The following PLB1 variants were observed in gnomAD, a reference collection of about 807,000 sequenced individuals.
PLB1 encodes phospholipase B1, membrane-associated.
In PLB1, 242 loss-of-function variants were observed where a neutral mutation model predicts 227.4. The observed-to-expected ratio is 1.06, with a 90% CI of 0.96 to 1.18. PLB1 has a LOEUF of 1.18. Among genes scored for constraint, PLB1 ranks in the 50% most tolerant of loss-of-function variants. The probability of loss-of-function intolerance (pLI) is 0.00; values close to 1 mark genes in which losing one functional copy is unlikely to be tolerated. For synonymous variants in PLB1, 757 were observed against 682.2 expected (o/e 1.11, Z -1.71); for missense variants, 1,858 against 1,816.3 (o/e 1.02, Z -0.42).
chr2:28,598,612 T>C (rs746465148), intron 34 of PLB1, 40 bp from the exon 35 acceptor site: 2 of 1,521,770 alleles, frequency 1.3e-6, no homozygotes, highest in Non-Finnish European at 1.8e-6. Flanking sequence ...TCTGGCTTTC[T>C]GTTCTGAGCC....
At chr2:28,586,302 A>G (rs1352065990) in intron 26 of PLB1, among the ~76,000 whole-genome samples, 1 of 152,190 alleles carries the variant, frequency 6.6e-6, no homozygotes. Flanking sequence ...CACAGGGTGC[A>G]TTCCCTCTGC....
At chr2:28,544,642 T>C (rs1008187331) in intron 14 of PLB1, among the ~76,000 whole-genome samples, 4 of 151,960 alleles carry the variant, frequency 2.6e-5, no homozygotes, top group Non-Finnish European at 5.9e-5. Flanking sequence ...GCCAGCAGTG[T>C]TGTGCTGGGC....
At chr2:28,546,275 A>G (rs999649198) in intron 14 of PLB1, among the ~76,000 whole-genome samples, 1 of 152,026 alleles carries the variant, frequency 6.6e-6, no homozygotes, top group Non-Finnish European at 1.5e-5. Context: ...AAGGGGACCC[A>G]CCTTTAGGGA....
intron 14 of PLB1, among the ~76,000 whole-genome samples, chr2:28,545,619 C>G (rs2148214710): frequency 6.6e-6 from 1 of 152,318 alleles, no homozygotes; most frequent in African/African-American, 2.4e-5. Flanking sequence ...CACCCTTAGC[C>G]AGCACCCAAG....
chr2:28,598,690 GC>G lies in PLB1; in HGVS notation c.2406del (p.Val803TrpfsTer26). On this transcript the variant is annotated frameshift_variant, in exon 35 of 58. Transcript: ENST00000327757. LOFTEE classifies it high-confidence loss of function. ...REFNRNLTGYAVGTGDANDTN... is the reference protein window; with the variant it reads ...REFNRNLTGYXVGTGDANDTN... Reference sequence around the variant, plus strand: ...GTTTAACAGAAACCTCACAGGCTACGCCGTGGGCACGGGTGATGCCAATGAC... The same window carrying G: ...GTTTAACAGAAACCTCACAGGCTACGCGTGGGCACGGGTGATGCCAATGAC... The G allele has an allele frequency of 6.2e-7, 1 of 1,614,218 alleles. No homozygotes were observed. The highest frequency in any genetic ancestry group is 8.5e-7 in the Non-Finnish European group (1 of 1,180,018).
chr2:28,503,533 C>T (rs528520901), intron 1 of PLB1, among the ~76,000 whole-genome samples: 1 of 152,340 alleles, frequency 6.6e-6, no homozygotes, highest in East Asian at 1.9e-4. Context: ...GTAGCAACCA[C>T]TTCATTTACT....
At chr2:28,583,039 G>A (rs116095482) in intron 25 of PLB1, among the ~76,000 whole-genome samples, 245 of 152,260 alleles carry the variant, frequency 1.6e-3, no homozygotes, top group African/African-American at 5.8e-3. Context: ...CCTCCCCAGA[G>A]AGTAGAGAAC....
At chr2:28,526,220 G>A (rs565933986) in intron 6 of PLB1, among the ~76,000 whole-genome samples, 11 of 152,212 alleles carry the variant, frequency 7.2e-5, no homozygotes, top group Non-Finnish European at 1.5e-5. Context: ...AGGGCTTAGG[G>A]GCCAGCTGGA....
At chr2:28,601,417 A>G in intron 37 of PLB1, 85 bp downstream of exon 37, 1 of 1,117,224 alleles carries the variant, frequency 9.0e-7, no homozygotes, top group Non-Finnish European at 1.3e-6. Flanking sequence ...ACAGTTCCTA[A>G]AACCAATCCT....
At chr2:28,642,785 C>A in intron 57 of PLB1, 73 bp from the exon 58 acceptor site, 1 of 1,308,104 alleles carries the variant, frequency 7.6e-7, no homozygotes, top group Non-Finnish European at 1.1e-6. Context: ...GGAATGGGGA[C>A]TAGGCAAGTC....
intron 16 of PLB1, 28 bp downstream of exon 16, chr2:28,550,112 A>T (rs1299813550): frequency 2.6e-6 from 4 of 1,550,542 alleles, no homozygotes; most frequent in African/African-American, 1.4e-5. Context: ...GTAATTGACA[A>T]ACATGCAGAT....
In PLB1 at chr2:28,642,863, C is replaced by A; in HGVS notation, c.4179C>A (p.Ser1393Arg). The change falls in exon 58 of 58, where the codon AGC becomes AGA. Residue 1393 changes from serine (S) to arginine (R), a missense_variant. By Grantham distance (110) the Ser-to-Arg change is moderately radical (BLOSUM62 -1). Coordinates refer to ENST00000327757, the MANE Select transcript of PLB1 (RefSeq NM_153021.5). ...RAKLKCPSPESPYLYTLRNSR... is the reference protein window; with the variant it reads ...RAKLKCPSPERPYLYTLRNSR... The stretch of plus-strand genomic sequence containing the variant: ...CCCCCGCTCCTCCTCCACAGGAGAG[C>A]CCTTACCTCTACACCCTGCGGAACA... 1 of 1,596,888 alleles carries A rather than the reference C, an allele frequency of 6.3e-7. No homozygotes were observed. The highest frequency in any genetic ancestry group is 2.3e-5 in the East Asian group (1 of 44,354).
intron 19 of PLB1, 139 bp from the exon 20 acceptor site, chr2:28,566,657 A>G (rs911538139): frequency 2.2e-6 from 2 of 892,444 alleles, no homozygotes; most frequent in Non-Finnish European, 3.7e-6. Context: ...CCGTTTTTCT[A>G]CTGAAGTGAT....
intron 23 of PLB1, 30 bp downstream of exon 23, chr2:28,579,737 C>T: frequency 6.3e-7 from 1 of 1,575,278 alleles, no homozygotes; most frequent in Non-Finnish European, 8.7e-7. Flanking sequence ...ACTCAAGACT[C>T]ACCCCCAGAG....
chr2:28,635,948 C>G lies in PLB1; in HGVS notation c.4098+2909C>G, dbSNP rs1322093568. Among the ~76,000 whole-genome samples, 7 of 152,282 alleles carry G rather than the reference C, an allele frequency of 4.6e-5. 1 individual carries two copies. In the South Asian group the frequency reaches 1.5e-3, roughly 32 times the overall value. The stretch of plus-strand genomic sequence containing the variant: ...TTAGAGCTCTTAGAATCGTGACTCT[C>G]AGCTCTGGCTGCATATTAGAATCAT... On this transcript the variant is annotated intron_variant, in intron 56 of 57. Transcript: ENST00000327757.
At chr2:28,593,947 C>CTTTTTTTTTTTTTTTTTTT (rs386389801) in intron 33 of PLB1, 193 bp downstream of exon 33, 1 of 532,284 alleles carries the variant, frequency 1.9e-6, no homozygotes. Flanking sequence ...TGTTGATAAT[C>CTTTTTTTTTTTTTTTTTTT]TTTTTTTTTT....
chr2:28,599,815 C>CA (rs34231724), intron 35 of PLB1, among the ~76,000 whole-genome samples: 7,299 of 152,158 alleles, frequency 0.048, 568 homozygotes, highest in African/African-American at 0.16. Flanking sequence ...AGGATTTCAC[C>CA]TGTTGGCCAG....
chr2:28,537,218 A>G (rs6735724), intron 9 of PLB1, among the ~76,000 whole-genome samples: 136,181 of 152,186 alleles, frequency 0.89, 61,213 homozygotes, highest in East Asian at 0.99. Context: ...GTGCCAGCCC[A>G]GGTGATTGAC....
chr2:28,583,459 C>T (rs1680389166), intron 25 of PLB1, among the ~76,000 whole-genome samples: 1 of 124,950 alleles, frequency 8.0e-6, no homozygotes, highest in Admixed American at 8.0e-5. Context: ...GCTGGGATTA[C>T]AGGCGTGAAG....
Sources: gnomAD v4.1 joint callset for allele counts (sites outside exome capture counted in the v4.1 genomes callset) on GRCh38, gnomAD v4.1.1 for gene constraint, MANE v1.5 for transcripts, NCBI Gene and HGNC (gene_info 2026-07-23, HGNC 2026-07-21) for gene names.